Variants in ERBB4 observed in about 807,000 individuals in gnomAD.
ERBB4 encodes erb-b2 receptor tyrosine kinase 4, also known as receptor tyrosine-protein kinase erbB-4.
ERBB4 carries 42 observed loss-of-function variants against 158.0 expected under a neutral mutation model. The observed-to-expected ratio is 0.27, with a 90% CI of 0.21 to 0.34. ERBB4 has a LOEUF of 0.34. ERBB4 is among the 10% of genes least tolerant of loss of function. The pLI is 1.00. For synonymous variants in ERBB4, 583 were observed against 558.7 expected, an observed-to-expected ratio of 1.04 and a Z score of -0.61; for missense variants, 1,333 against 1,624.1, an observed-to-expected ratio of 0.82 and a Z score of 3.08.
chr2:211,694,110 A>G (rs2072922021), intron 12 of ERBB4, among the ~76,000 whole-genome samples: 1 of 152,126 alleles, frequency 6.6e-6, no homozygotes, highest in Admixed American at 6.5e-5. Flanking sequence ...CATTTTAACT[A>G]CTTGTGCAAA....
chr2:211,948,439 A>T (rs1456182694), intron 2 of ERBB4, among the ~76,000 whole-genome samples: 2 of 10,870 alleles, frequency 1.8e-4, no homozygotes, highest in African/African-American at 5.9e-4. Flanking sequence ...TGTCTCACAA[A>T]AAAAAAAAAA....
At chr2:212,110,623 G>A (rs930193450) in intron 2 of ERBB4, among the ~76,000 whole-genome samples, 2 of 152,210 alleles carry the variant, frequency 1.3e-5, no homozygotes, top group South Asian at 4.1e-4. Context: ...ATTCAAATGG[G>A]ACTTTGCTAG....
At chr2:211,842,506 T>TGTACCTATA (rs2077495057) in intron 3 of ERBB4, among the ~76,000 whole-genome samples, 1 of 136,588 alleles carries the variant, frequency 7.3e-6, no homozygotes. Context: ...AAATAACACA[T>TGTACCTATA]TTCAATGTAC....
intron 1 of ERBB4, among the ~76,000 whole-genome samples, chr2:212,180,029 A>G (rs2081806820): frequency 6.6e-6 from 1 of 151,684 alleles, no homozygotes; most frequent in South Asian, 2.1e-4. Flanking sequence ...TAAAAATTTT[A>G]TGTCTAAAAA....
chr2:212,493,430 ATATT>A (rs1393946982), intron 1 of ERBB4, among the ~76,000 whole-genome samples: 2 of 151,520 alleles, frequency 1.3e-5, no homozygotes, highest in Non-Finnish European at 3.0e-5. Flanking sequence ...ACTTACAAAC[ATATT>A]TATTATGATA....
chr2:211,782,854 G>A (rs1025307235), intron 4 of ERBB4, among the ~76,000 whole-genome samples: 3 of 152,106 alleles, frequency 2.0e-5, no homozygotes, highest in Admixed American at 1.3e-4. Context: ...TTGGCGATAC[G>A]GGCTCTTTTT....
chr2:211,757,983 T>C (rs2075323191), intron 4 of ERBB4, among the ~76,000 whole-genome samples: 1 of 152,186 alleles, frequency 6.6e-6, no homozygotes, highest in Admixed American at 6.5e-5. Context: ...AATATAGAAC[T>C]GTTTCTACAT....
chr2:212,017,254 A>G (rs968572882), intron 2 of ERBB4, among the ~76,000 whole-genome samples: 1 of 152,134 alleles, frequency 6.6e-6, no homozygotes, highest in Admixed American at 6.5e-5. Flanking sequence ...TTCTTAAAAA[A>G]TAAGTGGTAT....
chr2:212,063,806 A>T lies in ERBB4; in HGVS notation c.234+60946T>A, dbSNP rs564974274. ...ACAATCATAGGGGTTAAAGGATTTA[A>T]TTCAGAGAGAGGTGGTATCAGTTGT... On this transcript the variant is annotated intron_variant, in intron 2 of 27. Coordinates refer to ENST00000342788, the MANE Select transcript of ERBB4 (RefSeq NM_005235.3). 1.5e-3 allele frequency among the ~76,000 whole-genome samples: 236 copies of T among 152,300 alleles called. 7 individuals carry two copies. The South Asian group carries it at 0.048, about 31-fold the overall frequency.
In ERBB4 at chr2:212,070,902, C is replaced by T. The variant is rs555505543; in HGVS notation, c.234+53850G>A. On this transcript the variant is annotated intron_variant, in intron 2 of 27. Transcript: ENST00000342788. The stretch of plus-strand genomic sequence containing the variant: ...AATGTAAGCATATCTGAAATGTCCC[C>T]GTTTTCTCTAACGGGAACACATTAT... 4.0e-5 allele frequency among the ~76,000 whole-genome samples: 6 copies of T among 151,556 alleles called. No individual in the cohort carries two copies. The East Asian group carries it at 5.8e-4, about 15-fold the overall frequency.
chr2:211,851,283 A>C (rs1559574415), intron 3 of ERBB4, among the ~76,000 whole-genome samples: 1 of 152,022 alleles, frequency 6.6e-6, no homozygotes, highest in Non-Finnish European at 1.5e-5. Flanking sequence ...GTCTGCAAGA[A>C]ATATAATTTA....
At chr2:212,240,754 C>T (rs774097912) in intron 1 of ERBB4, among the ~76,000 whole-genome samples, 1 of 150,446 alleles carries the variant, frequency 6.6e-6, no homozygotes, top group South Asian at 2.1e-4. Context: ...TAGATCATAT[C>T]GTTTGCCTTT....
At chr2:211,933,352 T>G (rs2080228295) in intron 3 of ERBB4, among the ~76,000 whole-genome samples, 1 of 152,194 alleles carries the variant, frequency 6.6e-6, no homozygotes, top group African/African-American at 2.4e-5. Flanking sequence ...TTATAAAAGA[T>G]ATATCTATAG....
chr2:212,504,701 G>A (rs528101216), intron 1 of ERBB4, among the ~76,000 whole-genome samples: 8 of 152,056 alleles, frequency 5.3e-5, no homozygotes, highest in Non-Finnish European at 1.2e-4. Flanking sequence ...TGAGCCCAGC[G>A]ATTTAAAATT....
chr2:212,528,625 G>A (rs112880250), intron 1 of ERBB4, among the ~76,000 whole-genome samples: 2 of 152,008 alleles, frequency 1.3e-5, no homozygotes, highest in African/African-American at 4.8e-5. Context: ...ACTCTTTTAG[G>A]CAAATATAAA....
intron 1 of ERBB4, among the ~76,000 whole-genome samples, chr2:212,494,887 G>A (rs1690474123): frequency 6.6e-6 from 1 of 152,118 alleles, no homozygotes; most frequent in African/African-American, 2.4e-5. Context: ...GAAATGCCCA[G>A]CTATTGCTTA....
At chr2:212,304,629 A>C (rs539978759) in intron 1 of ERBB4, among the ~76,000 whole-genome samples, 1 of 151,646 alleles carries the variant, frequency 6.6e-6, no homozygotes, top group South Asian at 2.1e-4. Context: ...ACAAGACATA[A>C]ATCAGAACTG....
intron 1 of ERBB4, among the ~76,000 whole-genome samples, chr2:212,414,050 G>A (rs2091580093): frequency 6.6e-6 from 1 of 152,144 alleles, no homozygotes; most frequent in Non-Finnish European, 1.5e-5. Context: ...GCCCCATTAA[G>A]TGGTACATAT....
At chr2:211,519,507 G>A (rs980714132) in intron 20 of ERBB4, among the ~76,000 whole-genome samples, 2 of 152,068 alleles carry the variant, frequency 1.3e-5, no homozygotes, top group Admixed American at 1.3e-4. Context: ...AGATCCAGAC[G>A]AGTTACTGGA....
Sources: allele counts gnomAD v4.1 joint callset (sites outside exome capture counted in the v4.1 genomes callset), GRCh38; gene constraint gnomAD v4.1.1; transcripts MANE v1.5; gene names NCBI Gene and HGNC (gene_info 2026-07-23, HGNC 2026-07-21).